C19orf44: variants seen among roughly 807,000 people sequenced by gnomAD.
C19orf44 encodes the protein chromosome 19 open reading frame 44.
A neutral mutation model predicts 50.7 loss-of-function variants in C19orf44; 43 were observed. The ratio of observed to expected loss-of-function variants is 0.85; its 90% CI spans 0.66 to 1.09. The LOEUF is 1.09. C19orf44 is among the 50% of genes least tolerant of loss of function. The probability of loss-of-function intolerance (pLI) is 0.00; values close to 1 mark genes in which losing one functional copy is unlikely to be tolerated. For missense variants in C19orf44, 722 were observed against 836.2 expected (o/e 0.86, Z 1.68); for synonymous variants, 298 against 334.7 (o/e 0.89, Z 1.20).
rs759651151 is a variant in C19orf44 at position 16,519,595 on chromosome 19, G to T, written c.*41-499G>T. ...CCCAGCACGCGTGAGGACCCATCCCGCGCCCTCCCCATTCCCTCGCCTTAC... is the reference window on the plus strand; with the variant it reads ...CCCAGCACGCGTGAGGACCCATCCCTCGCCCTCCCCATTCCCTCGCCTTAC... On this transcript the variant is annotated intron_variant, in intron 8 of 8. Transcript: ENST00000221671. The surrounding 1 kb of genome is among the most constrained non-coding windows in gnomAD (Gnocchi z 6.0). 16 of 1,597,030 alleles carry T rather than the reference G, an allele frequency of 1.0e-5. 2 individuals carry two copies. The South Asian group carries it at 1.2e-4, about 12-fold the overall frequency.
intron 6 of C19orf44, 128 bp from the exon 7 acceptor site, chr19:16,514,369 G>A (rs2093465691): frequency 1.0e-6 from 1 of 999,130 alleles, no homozygotes; most frequent in Non-Finnish European, 1.4e-6. Context: ...GGGTGGCAGA[G>A]CGAGACCCTG....
Position 16,519,745 on chromosome 19 carries a change from GAAGT to G in C19orf44, c.*41-346_*41-343del, listed in dbSNP as rs1397269747. The G allele has an allele frequency of 5.1e-6, 8 of 1,554,476 alleles. No homozygotes were observed. Among genetic ancestry groups the G allele is most frequent in the Non-Finnish European group, 7.1e-6 (8 of 1,126,108 alleles). On this transcript the variant is annotated intron_variant, in intron 8 of 8. Coordinates refer to ENST00000221671, the MANE Select transcript of C19orf44 (RefSeq NM_032207.4). This position sits in a 1 kb window ranked among gnomAD's most constrained non-coding sequence, Gnocchi z 6.0. ...AATCGAGACAGGTTATTCTTTTTAAGAAGTAACTGAGACATTTATTGGAATGACA... is the reference window on the plus strand; with the variant it reads ...AATCGAGACAGGTTATTCTTTTTAAGAACTGAGACATTTATTGGAATGACA...
intron 4 of C19orf44, among the ~76,000 whole-genome samples, chr19:16,507,834 C>T (rs1262827537): frequency 3.3e-5 from 5 of 151,186 alleles, no homozygotes; most frequent in African/African-American, 7.3e-5. Flanking sequence ...GACAGAGTCT[C>T]GCTCTGCTGC....
chr19:16,517,206 C>T (rs766146157), intron 7 of C19orf44, 24 bp from the exon 8 acceptor site: 107 of 1,606,942 alleles, frequency 6.7e-5, no homozygotes, highest in Middle Eastern at 1.6e-4. Flanking sequence ...ATGGTGATGG[C>T]GTGGTCTGTT....
Position 16,500,883 on chromosome 19 carries a change from A to G in C19orf44, c.91A>G (p.Ile31Val). ...VSLEDSTMEE[I>V]RNFQISRNLT... Reference sequence around the variant, plus strand: ...CTTGGAAGATTCAACAATGGAAGAAATCAGAAACTTCCAGATCAGTAGAAA... The same window carrying G: ...CTTGGAAGATTCAACAATGGAAGAAGTCAGAAACTTCCAGATCAGTAGAAA... Residue 31 changes from isoleucine to valine, a missense_variant, in exon 2 of 9, where the codon ATC becomes GTC. Transcript: ENST00000221671. 6.2e-7 allele frequency: 1 copy of G among 1,613,422 alleles called. No homozygotes were observed. Among genetic ancestry groups the G allele is most frequent in the Non-Finnish European group, 8.5e-7 (1 of 1,179,836 alleles).
Position 16,501,533 on chromosome 19 carries a change from A to T in C19orf44, c.741A>T (p.Glu247Asp), listed in dbSNP as rs756808963. The change falls in exon 2 of 9, where the codon GAA becomes GAT. Residue 247 changes from glutamate to aspartate, a missense_variant. By Grantham distance (45) the Glu-to-Asp change is conservative. Coordinates refer to ENST00000221671, the MANE Select transcript of C19orf44 (RefSeq NM_032207.4). ...GCAGCGCTAACGTCAGCGAGGAAGA[A>T]GAAAGAAAACTATTTTCGGTGAGAT... ...GFSSANVSEEEERKLFSVPSQ... is the reference protein window; with the variant it reads ...GFSSANVSEEDERKLFSVPSQ... 1 of 1,416,214 alleles carries T rather than the reference A, an allele frequency of 7.1e-7. No homozygotes were observed. Among genetic ancestry groups the T allele is most frequent in the Non-Finnish European group, 9.3e-7 (1 of 1,077,664 alleles). The allele number at this position is 1,416,214 out of a possible 1,614,324, so 87.7% of individuals were successfully genotyped here.
chr19:16,510,302 G>A, intron 5 of C19orf44: 1 of 375,510 alleles, frequency 2.7e-6, no homozygotes, highest in Non-Finnish European at 5.1e-6. Context: ...AGCTACTCAG[G>A]AAGCTGAGGC....
chr19:16,506,953 G>A (rs1272966152), intron 4 of C19orf44, among the ~76,000 whole-genome samples, 179 bp downstream of exon 4: 1 of 152,074 alleles, frequency 6.6e-6, no homozygotes, highest in African/African-American at 2.4e-5. Flanking sequence ...GATTACAGGT[G>A]TGAGCGACCA....
chr19:16,520,209 CGGGACCGCGACT>C lies in C19orf44; in HGVS notation c.*164_*175del. On this transcript the variant is annotated 3_prime_UTR_variant, in exon 9 of 9. Transcript: ENST00000221671. The surrounding 1 kb of genome is among the most constrained non-coding windows in gnomAD (Gnocchi z 4.0). Reference sequence around the variant, plus strand: ...TCTTCCTGGGGAGTACGACTTGGACCGGGACCGCGACTGGGACCGGGAGCGGCTTCTGGAGGA... The same window carrying C: ...TCTTCCTGGGGAGTACGACTTGGACCGGGACCGGGAGCGGCTTCTGGAGGA... The C allele has an allele frequency of 6.2e-7, 1 of 1,613,374 alleles. No homozygotes were observed. The highest frequency in any genetic ancestry group is 8.5e-7 in the Non-Finnish European group (1 of 1,180,024).
intron 4 of C19orf44, among the ~76,000 whole-genome samples, chr19:16,508,251 C>A (rs1398826911): frequency 1.3e-5 from 2 of 151,794 alleles, no homozygotes; most frequent in East Asian, 3.9e-4. Flanking sequence ...ATTACAGGCA[C>A]CCGCCACCCT....
intron 2 of C19orf44, among the ~76,000 whole-genome samples, chr19:16,502,278 A>G (rs7254328): frequency 0.41 from 52,565 of 127,980 alleles, 11,491 homozygotes; most frequent in African/African-American, 0.64. Flanking sequence ...TCATTCTGTC[A>G]CCAGGCTGGA....
Position 16,499,789 on chromosome 19 carries a change from C to T in C19orf44, c.-1-1003C>T, listed in dbSNP as rs139413461. ...ATAGCCCCCCTCTTTCCCAGGGTAG[C>T]GGTTCTTCTTTTTTTTTTGAGACAG... On this transcript the variant is annotated intron_variant, in intron 1 of 8. Coordinates refer to ENST00000221671, the MANE Select transcript of C19orf44 (RefSeq NM_032207.4). 3.7e-4 allele frequency among the ~76,000 whole-genome samples: 56 copies of T among 151,654 alleles called. No individual in the cohort carries two copies. In the East Asian group the frequency reaches 6.3e-3, roughly 17 times the overall value.
Position 16,501,440 on chromosome 19 carries a change from AGAAAT to A in C19orf44, c.653_657del (p.Met218SerfsTer11). 1.9e-6 allele frequency: 3 copies of A among 1,613,780 alleles called. No homozygotes were observed. The highest frequency in any genetic ancestry group is 2.5e-6 in the Non-Finnish European group (3 of 1,179,858). ...TTGATTCTCCAGACAGTGACGAAGA[AGAAAT>A]GAAAGTATTGCTAGGAAGCTTGATG... On this transcript the variant is annotated frameshift_variant, in exon 2 of 9. Coordinates refer to ENST00000221671, the MANE Select transcript of C19orf44 (RefSeq NM_032207.4). LOFTEE classifies it high-confidence loss of function.
Position 16,509,581 on chromosome 19 carries a change from C to T in C19orf44, c.1232C>T (p.Ala411Val). 1 of 1,613,514 alleles carries T rather than the reference C, an allele frequency of 6.2e-7. No homozygotes were observed. Among genetic ancestry groups the T allele is most frequent in the Non-Finnish European group, 8.5e-7 (1 of 1,179,592 alleles). The change falls in exon 5 of 9, where the codon GCC (alanine) becomes GTC (valine). Residue 411 changes from alanine (A) to valine (V), a missense_variant. Ala to Val is a moderately conservative substitution (Grantham distance 64). Transcript: ENST00000221671. ...ACTGGGCAGGATGCCCCGAGGCAGG[C>T]CCAGGCGAGGAGCTGGGCATCACAG... Reference protein sequence around the residue: ...ASTGQDAPRQAQARSWASQGK... With the variant: ...ASTGQDAPRQVQARSWASQGK...
At chr19:16,511,690 C>T (rs894737760) in intron 5 of C19orf44, among the ~76,000 whole-genome samples, 7 of 152,036 alleles carry the variant, frequency 4.6e-5, no homozygotes, top group Non-Finnish European at 8.8e-5. Context: ...CAGCGATTCT[C>T]CCACCTCAGC....
intron 2 of C19orf44, among the ~76,000 whole-genome samples, chr19:16,502,695 G>C (rs1372567842): frequency 6.6e-6 from 1 of 151,918 alleles, no homozygotes; most frequent in East Asian, 1.9e-4. Flanking sequence ...TTAACCATAA[G>C]AACTTTTAGG....
chr19:16,520,429 A>G lies in C19orf44; in HGVS notation c.*376A>G. On this transcript the variant is annotated 3_prime_UTR_variant, in exon 9 of 9. Coordinates refer to ENST00000221671, the MANE Select transcript of C19orf44 (RefSeq NM_032207.4). This position sits in a 1 kb window ranked among gnomAD's most constrained non-coding sequence, Gnocchi z 4.0. The stretch of plus-strand genomic sequence containing the variant: ...ACCTTGACCTTGAGTACGAGCCTGA[A>G]GACTTGGAGGATCTTGAGTTGGAGC... 2 of 1,614,092 alleles carry G rather than the reference A, an allele frequency of 1.2e-6. No homozygotes were observed. The highest frequency in any genetic ancestry group is 1.7e-6 in the Non-Finnish European group (2 of 1,180,006).
chr19:16,497,238 G>A (rs183532220), intron 1 of C19orf44, among the ~76,000 whole-genome samples: 1 of 151,944 alleles, frequency 6.6e-6, no homozygotes, highest in Admixed American at 6.6e-5. Flanking sequence ...GTGAGTCACA[G>A]CACCGGCCCG....
At position 16,501,360 on chromosome 19, in the gene C19orf44, G is replaced by A; in HGVS notation, c.568G>A (p.Ala190Thr). 6.2e-7 allele frequency: 1 copy of A among 1,614,108 alleles called. No homozygotes were observed. Among genetic ancestry groups the A allele is most frequent in the Non-Finnish European group, 8.5e-7 (1 of 1,180,026 alleles). ...TGAAAACATATCCCCTGAAGCACCTGCTGGGAAAGAGAGGACTTTGCAAAC... is the reference window on the plus strand; with the variant it reads ...TGAAAACATATCCCCTGAAGCACCTACTGGGAAAGAGAGGACTTTGCAAAC... ...PVENISPEAP[A>T]GKERTLQTPK... is the part of the protein sequence containing the mutation. Residue 190 changes from alanine (A) to threonine (T), a missense_variant, in exon 2 of 9, where the codon GCT becomes ACT. Ala to Thr is a moderately conservative substitution (Grantham distance 58, BLOSUM62 0). Coordinates refer to ENST00000221671, the MANE Select transcript of C19orf44 (RefSeq NM_032207.4).
Sources: allele counts gnomAD v4.1 joint callset (sites outside exome capture counted in the v4.1 genomes callset), GRCh38; gene constraint gnomAD v4.1.1; non-coding constraint Gnocchi (gnomAD v3.1); transcripts MANE v1.5; gene names NCBI Gene and HGNC (gene_info 2026-07-23, HGNC 2026-07-21).